CELF2: variants seen among roughly 807,000 people sequenced by gnomAD.
CELF2 encodes the protein CUG triplet repeat RNA-binding protein 2.
Under a neutral mutation model 62.6 loss-of-function variants are expected in CELF2, and 8 were observed. The observed-to-expected ratio is 0.13, with a 90% CI of 0.07 to 0.23. The LOEUF (loss-of-function observed/expected upper bound fraction) is 0.23, where lower values mean the gene tolerates loss of function less well. CELF2 is among the 10% of genes least tolerant of loss of function. The pLI is 1.00. For missense variants in CELF2, 333 were observed against 671.0 expected, an observed-to-expected ratio of 0.50 and a Z score of 5.56; for synonymous variants, 258 against 250.0, an observed-to-expected ratio of 1.03 and a Z score of -0.30.
the CELF2 span, among the ~76,000 whole-genome samples, chr10:10,718,580 C>T: frequency 1.1e-4 from 16 of 147,994 alleles, no homozygotes; most frequent in South Asian, 8.6e-4. Flanking sequence ...GCCAAGATCG[C>T]GCCACTGCAC....
At chr10:10,739,579 C>T in the CELF2 span, among the ~76,000 whole-genome samples, 36 of 152,152 alleles carry the variant, frequency 2.4e-4, no homozygotes, top group African/African-American at 6.5e-4. Context: ...GGAAAATTAA[C>T]GTTCATAAAA....
chr10:10,866,491 A>G (rs2133251820), intron 1 of CELF2, among the ~76,000 whole-genome samples: 1 of 151,326 alleles, frequency 6.6e-6, no homozygotes, highest in South Asian at 2.1e-4. Context: ...TGTAGTCCCA[A>G]TTATGCTGGA....
chr10:11,276,961 A>G (rs776237903), intron 8 of CELF2, among the ~76,000 whole-genome samples: 3 of 152,236 alleles, frequency 2.0e-5, no homozygotes, highest in African/African-American at 4.8e-5. Flanking sequence ...CTCCCAAATT[A>G]TCCATTTCTT....
the CELF2 span, among the ~76,000 whole-genome samples, chr10:10,626,125 C>G: frequency 1.3e-5 from 2 of 151,950 alleles, no homozygotes; most frequent in Admixed American, 1.3e-4. Flanking sequence ...TTTTTTTCAC[C>G]TTGAACTTAA....
the CELF2 span, among the ~76,000 whole-genome samples, chr10:10,481,232 G>A: frequency 6.6e-6 from 1 of 152,098 alleles, no homozygotes; most frequent in South Asian, 2.1e-4. Flanking sequence ...ATATTAAAGT[G>A]CTTTCTGTGT....
intron 1 of CELF2, among the ~76,000 whole-genome samples, chr10:11,123,173 TGTGA>T: frequency 6.6e-6 from 1 of 152,302 alleles, no homozygotes; most frequent in Admixed American, 6.5e-5. Context: ...CATGAAGATT[TGTGA>T]TCTCTAAAGT....
the CELF2 span, among the ~76,000 whole-genome samples, chr10:10,481,335 T>G: frequency 6.6e-6 from 1 of 152,216 alleles, no homozygotes; most frequent in Non-Finnish European, 1.5e-5. Flanking sequence ...ACACAGGGAA[T>G]TTCTTTGTTT....
At chr10:10,601,585 A>G in the CELF2 span, among the ~76,000 whole-genome samples, 3 of 152,322 alleles carry the variant, frequency 2.0e-5, no homozygotes, top group East Asian at 5.8e-4. Context: ...CTAACCTTTT[A>G]AATGGCTAAT....
At chr10:11,005,284 GAGA>G, upstream of CELF2, 1 of 1,596,490 alleles carries the variant, frequency 6.3e-7, no homozygotes, top group Non-Finnish European at 8.6e-7. This position sits in a 1 kb window ranked among gnomAD's most constrained non-coding sequence, Gnocchi z 4.3. Flanking sequence ...GAGAGAGAGA[GAGA>G]GAGAGAGGGA....
chr10:10,968,897 GAAT>G (rs750665209), intron 2 of CELF2, among the ~76,000 whole-genome samples: 25 of 152,142 alleles, frequency 1.6e-4, no homozygotes, highest in Non-Finnish European at 2.9e-4. Context: ...GAGCTAAAAT[GAAT>G]AATAAGTTAT....
At chr10:10,728,081 A>G in the CELF2 span, among the ~76,000 whole-genome samples, 1 of 151,730 alleles carries the variant, frequency 6.6e-6, no homozygotes, top group East Asian at 1.9e-4. Flanking sequence ...CTGTCTAGAG[A>G]TGACCTTTGA....
At chr10:11,271,127 G>C (rs1473296766) in intron 7 of CELF2, among the ~76,000 whole-genome samples, 2 of 152,192 alleles carry the variant, frequency 1.3e-5, no homozygotes, top group African/African-American at 2.4e-5. Context: ...CGAGAGGGAG[G>C]CCGCTGGGCT....
At chr10:10,690,431 T>C in the CELF2 span, among the ~76,000 whole-genome samples, 1 of 152,186 alleles carries the variant, frequency 6.6e-6, no homozygotes. Context: ...TGCACACACA[T>C]AGATTAAAAT....
At chr10:11,128,130 A>C (rs1339998146) in intron 1 of CELF2, among the ~76,000 whole-genome samples, 2 of 152,200 alleles carry the variant, frequency 1.3e-5, no homozygotes, top group African/African-American at 4.8e-5. Context: ...CCATTTATTA[A>C]ATAGGAAATC....
chr10:11,069,246 A>G (rs564091584), intron 1 of CELF2, among the ~76,000 whole-genome samples: 1 of 152,218 alleles, frequency 6.6e-6, no homozygotes, highest in Non-Finnish European at 1.5e-5. Context: ...AGAGTTTAGA[A>G]TTGATCATTT....
Position 11,010,488 on chromosome 10 carries a change from A to C in CELF2, c.53+5048A>C, listed in dbSNP as rs2056261903. 1.3e-5 allele frequency among the ~76,000 whole-genome samples: 2 copies of C among 152,210 alleles called. No homozygotes were observed. Among genetic ancestry groups the C allele is most frequent in the South Asian group, 2.1e-4 (1 of 4,824 alleles). On this transcript the variant is annotated intron_variant, in intron 1 of 12. Transcript: ENST00000416382. The surrounding 1 kb of genome is among the most constrained non-coding windows in gnomAD (Gnocchi z 4.1). ...AGGAATAAAAATGAAACTTATTAAC[A>C]ATCTACCTGGCACTACACTAACTGG...
chr10:11,104,043 C>T (rs2142786441), intron 1 of CELF2, among the ~76,000 whole-genome samples: 1 of 152,310 alleles, frequency 6.6e-6, no homozygotes, highest in East Asian at 1.9e-4. Context: ...TAGACTGACA[C>T]TACCCTTTTG....
At chr10:11,264,223 A>G (rs533089712) in intron 5 of CELF2, among the ~76,000 whole-genome samples, 12 of 152,350 alleles carry the variant, frequency 7.9e-5, no homozygotes, top group African/African-American at 2.2e-4. Flanking sequence ...TTATTGTTCT[A>G]TTGGTAATAC....
In CELF2 at chr10:11,214,128, G is replaced by A. The variant is rs1029187951; in HGVS notation, c.272-3297G>A. ...GTGGGACCCCTATCTCTACAAAAAT[G>A]TAAAAAGTAGTCAGGCATGGTAGCA... On this transcript the variant is annotated intron_variant, in intron 2 of 12. Coordinates refer to ENST00000633077, the MANE Select transcript of CELF2 (RefSeq NM_001326342.2). This position sits in a 1 kb window ranked among gnomAD's most constrained non-coding sequence, Gnocchi z 4.2. Among the ~76,000 whole-genome samples the A allele has an allele frequency of 2.0e-5, 3 of 152,026 alleles. No individual in the cohort carries two copies. Among genetic ancestry groups the A allele is most frequent in the Admixed American group, 2.0e-4 (3 of 15,274 alleles).
Sources: allele counts gnomAD v4.1 joint callset (sites outside exome capture counted in the v4.1 genomes callset), GRCh38; gene constraint gnomAD v4.1.1; non-coding constraint Gnocchi (gnomAD v3.1); transcripts MANE v1.5; gene names NCBI Gene and HGNC (gene_info 2026-07-23, HGNC 2026-07-21).